Variants in OAT observed in about 807,000 individuals in gnomAD.
The protein encoded by OAT is ornithine aminotransferase, mitochondrial.
A neutral mutation model predicts 48.4 loss-of-function variants in OAT; 35 were observed. The observed-to-expected ratio is 0.72, with a 90% CI of 0.55 to 0.96. OAT has a LOEUF of 0.96. Among genes scored for constraint, OAT ranks in the 40% least tolerant of loss-of-function variants. The pLI is 0.00. For synonymous variants in OAT, 182 were observed against 198.4 expected (o/e 0.92, Z 0.70); for missense variants, 438 against 537.9 (o/e 0.81, Z 1.84).
At chr10:124,411,188 A>G (rs1951739352) in intron 2 of OAT, among the ~76,000 whole-genome samples, 1 of 147,658 alleles carries the variant, frequency 6.8e-6, no homozygotes, top group Non-Finnish European at 1.5e-5. Flanking sequence ...CATGTCTGCA[A>G]CTTCCTCTCA....
chr10:124,416,986 A>G (rs1361718332), intron 1 of OAT, among the ~76,000 whole-genome samples: 1 of 152,118 alleles, frequency 6.6e-6, no homozygotes, highest in Non-Finnish European at 1.5e-5. Flanking sequence ...CTGAGAAAGG[A>G]CCGGGGTCAA....
chr10:124,398,394 G>A (rs1031936862), intron 9 of OAT, among the ~76,000 whole-genome samples: 9 of 152,000 alleles, frequency 5.9e-5, no homozygotes, highest in African/African-American at 2.2e-4. Flanking sequence ...TGTAGTCCCA[G>A]CTACTCGGGA....
intron 9 of OAT, among the ~76,000 whole-genome samples, chr10:124,398,803 T>C (rs572135616): frequency 1.3e-3 from 198 of 151,902 alleles, no homozygotes; most frequent in Admixed American, 9.2e-3. Flanking sequence ...GATCATGAGG[T>C]CAAGAGATCG....
intron 4 of OAT, among the ~76,000 whole-genome samples, chr10:124,406,424 G>T (rs930652876): frequency 3.3e-5 from 5 of 152,146 alleles, no homozygotes; most frequent in Admixed American, 1.3e-4. Flanking sequence ...CCAGGAAGCA[G>T]AGGTTGCTGT....
rs370661606 is a variant in OAT, at chr10:124,403,776, CACAA to C, written c.771+18_771+21del. The C allele has an allele frequency of 1.8e-4, 298 of 1,613,980 alleles. No individual in the cohort carries two copies. The African/African-American group carries it at 3.6e-3, about 20-fold the overall frequency. ...CAGCTAACTCGACATTCAGCCTTAT[CACAA>C]ACAGCTAACGTGACAACCTGGTGCC... On this transcript the variant is annotated intron_variant, in intron 6 of 9. Coordinates refer to ENST00000368845, the MANE Select transcript of OAT (RefSeq NM_000274.4).
At chr10:124,400,785 T>C (rs553826477) in intron 9 of OAT, 55 bp downstream of exon 9, 32 of 1,261,196 alleles carry the variant, frequency 2.5e-5, no homozygotes, top group Middle Eastern at 2.7e-4. Context: ...AAATACCAAG[T>C]GTATTTTAGG....
At chr10:124,407,416 T>A in intron 4 of OAT, 1 of 985,386 alleles carries the variant, frequency 1.0e-6, no homozygotes, top group Non-Finnish European at 1.2e-6. Context: ...CTGGACACAG[T>A]CTATAAGAAT....
At position 124,405,392 on chromosome 10, in the gene OAT, T is replaced by C. The variant is rs191512714; in HGVS notation, c.648+44A>G. ...TAATTCATATATTCAACAGCTTTAA[T>C]TTCTATTCCCAATGAGCTGAGCACT... On this transcript the variant is annotated intron_variant, in intron 5 of 9. Coordinates refer to ENST00000368845, the MANE Select transcript of OAT (RefSeq NM_000274.4). 1,243 of 1,611,086 alleles carry C rather than the reference T, an allele frequency of 7.7e-4. 7 individuals are homozygous for C. The South Asian group carries it at 8.0e-3, about 10-fold the overall frequency.
At chr10:124,406,726 G>T (rs549727930) in intron 4 of OAT, among the ~76,000 whole-genome samples, 124 of 142,540 alleles carry the variant, frequency 8.7e-4, no homozygotes, top group African/African-American at 3.0e-3. Context: ...TGAGGCAGGA[G>T]AATCACTTGA....
chr10:124,409,603 C>T (rs1355986324), intron 2 of OAT, among the ~76,000 whole-genome samples: 1 of 151,768 alleles, frequency 6.6e-6, no homozygotes, highest in African/African-American at 2.4e-5. Context: ...GCAGAAGTTA[C>T]ACATAACAGA....
intron 4 of OAT, chr10:124,407,013 T>C (rs1951600124): frequency 3.0e-6 from 3 of 985,388 alleles, no homozygotes; most frequent in Non-Finnish European, 2.4e-6. Context: ...CATCATGTTT[T>C]TATCTTCTCA....
At chr10:124,398,520 G>C (rs1334947307) in intron 9 of OAT, among the ~76,000 whole-genome samples, 1 of 151,748 alleles carries the variant, frequency 6.6e-6, no homozygotes, top group East Asian at 1.9e-4. Flanking sequence ...AAAAAAGAAA[G>C]GGAAGCTTGG....
chr10:124,401,719 TC>T lies in OAT; in HGVS notation c.1014+6del. On this transcript the variant is annotated splice_donor_region_variant and intron_variant, in intron 8 of 9. Transcript: ENST00000368845. ...AATAGACACTGTGTGGCTGTATCAGTCTTTACCTCAAGGGCTGCGATGGCCA... is the reference window on the plus strand; with the variant it reads ...AATAGACACTGTGTGGCTGTATCAGTTTTACCTCAAGGGCTGCGATGGCCA... The T allele has an allele frequency of 6.3e-7, 1 of 1,588,150 alleles. No homozygotes were observed. Among genetic ancestry groups the T allele is most frequent in the East Asian group, 2.2e-5 (1 of 44,758 alleles).
chr10:124,399,338 CTTTTTTTTTTTTT>C (rs937720307), intron 9 of OAT, among the ~76,000 whole-genome samples: 1 of 58,764 alleles, frequency 1.7e-5, no homozygotes, highest in African/African-American at 8.4e-5. Flanking sequence ...CCAGGTGATT[CTTTTTTTTTTTTT>C]TTTTTTTTTT....
chr10:124,405,756 C>T (rs762756301), intron 4 of OAT, 193 bp from the exon 5 acceptor site: 20 of 1,391,998 alleles, frequency 1.4e-5, no homozygotes, highest in Middle Eastern at 4.7e-4. Context: ...CACAAGGCCA[C>T]TAAGTCTGGC....
intron 2 of OAT, among the ~76,000 whole-genome samples, chr10:124,410,096 A>AT (rs1951704968): frequency 6.6e-6 from 1 of 152,206 alleles, no homozygotes; most frequent in African/African-American, 2.4e-5. Flanking sequence ...TTATATTGTC[A>AT]TTTTCTGGTA....
At chr10:124,407,394 T>C (rs1490324678) in intron 4 of OAT, 2 of 985,046 alleles carry the variant, frequency 2.0e-6, no homozygotes, top group Non-Finnish European at 2.4e-6. Context: ...CCCTTTGCTA[T>C]TAAGAAAGAG....
intron 5 of OAT, 140 bp downstream of exon 5, chr10:124,405,296 T>C (rs907684290): frequency 6.0e-5 from 76 of 1,271,258 alleles, no homozygotes; most frequent in Non-Finnish European, 7.8e-5. Context: ...TGATCGCTAC[T>C]GAGAACAAGT....
intron 4 of OAT, 107 bp downstream of exon 4, chr10:124,408,435 C>T: frequency 2.1e-6 from 2 of 950,496 alleles, no homozygotes; most frequent in South Asian, 1.4e-5. Context: ...CTCCTCCTGC[C>T]TTGGCCTCCC....
Sources: gnomAD v4.1 joint callset for allele counts (sites outside exome capture counted in the v4.1 genomes callset) on GRCh38, gnomAD v4.1.1 for gene constraint, MANE v1.5 for transcripts, NCBI Gene and HGNC (gene_info 2026-07-23, HGNC 2026-07-21) for gene names.